The following JAM3 variants were observed in gnomAD, a reference collection of about 807,000 sequenced individuals.
JAM3 encodes junctional adhesion molecule C.
Under a neutral mutation model 39.4 loss-of-function variants are expected in JAM3, and 31 were observed. The observed-to-expected ratio is 0.79, with a 90% CI of 0.59 to 1.06. JAM3 has a LOEUF of 1.06. Among genes scored for constraint, JAM3 ranks in the 50% least tolerant of loss-of-function variants. JAM3 has a pLI of 0.00. For synonymous variants in JAM3, 182 were observed against 148.7 expected, an observed-to-expected ratio of 1.22 and a Z score of -1.63; for missense variants, 455 against 391.4, an observed-to-expected ratio of 1.16 and a Z score of -1.37.
chr11:134,077,219 G>A (rs533553314), intron 1 of JAM3, among the ~76,000 whole-genome samples: 28 of 152,244 alleles, frequency 1.8e-4, no homozygotes, highest in Middle Eastern at 3.4e-3. Context: ...CTGATGATGA[G>A]CGATGTTGAG....
intron 1 of JAM3, among the ~76,000 whole-genome samples, chr11:134,130,114 C>T (rs559790049): frequency 1.3e-5 from 2 of 152,270 alleles, no homozygotes; most frequent in East Asian, 1.9e-4. Flanking sequence ...TTACCTCTGT[C>T]CTGGATTAAG....
chr11:134,079,544 A>G (rs1486813064), intron 1 of JAM3, among the ~76,000 whole-genome samples: 1 of 151,994 alleles, frequency 6.6e-6, no homozygotes, highest in Non-Finnish European at 1.5e-5. Context: ...GAAAAAAAAA[A>G]GCACTGTATC....
intron 1 of JAM3, among the ~76,000 whole-genome samples, chr11:134,118,529 T>G (rs1304527815): frequency 6.6e-6 from 1 of 152,106 alleles, no homozygotes; most frequent in Non-Finnish European, 1.5e-5. Context: ...CAGGCTATTC[T>G]CACTTCCTCC....
At chr11:134,091,553 C>G (rs1318112582) in intron 1 of JAM3, among the ~76,000 whole-genome samples, 1 of 150,696 alleles carries the variant, frequency 6.6e-6, no homozygotes, top group Non-Finnish European at 1.5e-5. Context: ...CATGGTAAGC[C>G]CAGAAGTTAG....
rs1383724294 is a variant in JAM3 at position 134,087,261 on chromosome 11, A to C, written c.76+18102A>C. On this transcript the variant is annotated intron_variant, in intron 1 of 8. Transcript: ENST00000299106. ...TTTTGCATATTAGGAAAAAGTAGGG[A>C]AGAGTATGGAAGAAAAGGAAAACAC... Among the ~76,000 whole-genome samples, 4 of 152,200 alleles carry C rather than the reference A, an allele frequency of 2.6e-5. No homozygotes were observed. The East Asian group carries it at 7.7e-4, about 29-fold the overall frequency.
At chr11:134,135,072 C>G (rs1245838023) in intron 1 of JAM3, among the ~76,000 whole-genome samples, 1 of 152,070 alleles carries the variant, frequency 6.6e-6, no homozygotes, top group African/African-American at 2.4e-5. Context: ...CATTGCCTAA[C>G]CCAGTGTCAT....
intron 1 of JAM3, among the ~76,000 whole-genome samples, chr11:134,112,807 C>T (rs1942342633): frequency 6.6e-6 from 1 of 152,182 alleles, no homozygotes; most frequent in African/African-American, 2.4e-5. Context: ...AGATAGCTGC[C>T]TTCATGTCGT....
intron 1 of JAM3, among the ~76,000 whole-genome samples, chr11:134,135,411 T>G (rs1942845471): frequency 6.6e-6 from 1 of 152,240 alleles, no homozygotes; most frequent in African/African-American, 2.4e-5. Flanking sequence ...CCCACACTGT[T>G]TTGATCATCT....
intron 1 of JAM3, among the ~76,000 whole-genome samples, chr11:134,105,111 A>G (rs1219050921): frequency 6.6e-6 from 1 of 152,256 alleles, no homozygotes; most frequent in Non-Finnish European, 1.5e-5. Flanking sequence ...TCAATAAAAT[A>G]CTGGCAAACC....
chr11:134,151,177 T>A lies in JAM3; in HGVS notation c.*1996T>A, dbSNP rs577596179. On this transcript the variant is annotated 3_prime_UTR_variant, in exon 9 of 9. Transcript: ENST00000299106. ...TCAGCTTCCAGTGTCTTGGGTTTTT[T>A]ATACTTTGACAGCTTTTTTTTAATT... is the stretch of plus-strand genomic sequence containing the variant. 6.6e-6 allele frequency: 1 copy of A among 152,266 alleles called. No individual in the cohort carries two copies. The highest frequency in any genetic ancestry group is 6.5e-5 in the Admixed American group (1 of 15,288). The allele number at this position is 152,266 out of a possible 1,614,324, so 9.4% of individuals were successfully genotyped here. A position where few individuals can be genotyped will look rare whatever the true frequency, so the allele number is the denominator to read the frequency against.
At chr11:134,130,108 C>T (rs547874600) in intron 1 of JAM3, among the ~76,000 whole-genome samples, 2 of 152,234 alleles carry the variant, frequency 1.3e-5, no homozygotes, top group South Asian at 4.2e-4. Flanking sequence ...GAGTAGTTAC[C>T]TCTGTCCTGG....
chr11:134,078,188 C>T (rs1591768531), intron 1 of JAM3, among the ~76,000 whole-genome samples: 1 of 151,974 alleles, frequency 6.6e-6, no homozygotes, highest in Non-Finnish European at 1.5e-5. Flanking sequence ...GGCATGATCT[C>T]GGCCCACTGC....
At chr11:134,124,297 A>C in intron 1 of JAM3, 1 of 861,482 alleles carries the variant, frequency 1.2e-6, no homozygotes, top group Non-Finnish European at 2.0e-6. Flanking sequence ...ATGTTCTCAC[A>C]GGAAATCTCC....
chr11:134,124,219 A>T (rs1185368870), intron 1 of JAM3: 52 of 1,374,094 alleles, frequency 3.8e-5, no homozygotes, highest in Non-Finnish European at 5.3e-5. Flanking sequence ...ATCACTCCAT[A>T]CTTCTTAAGT....
At chr11:134,070,004 C>T (rs1311708537) in intron 1 of JAM3, among the ~76,000 whole-genome samples, 1 of 152,162 alleles carries the variant, frequency 6.6e-6, no homozygotes, top group Non-Finnish European at 1.5e-5. Flanking sequence ...TTTTCTTTCC[C>T]TCTGTTTGGA....
At chr11:134,126,833 C>G (rs1017344994) in intron 1 of JAM3, among the ~76,000 whole-genome samples, 2 of 152,232 alleles carry the variant, frequency 1.3e-5, no homozygotes, top group African/African-American at 4.8e-5. Context: ...CTAAATCCCA[C>G]TGATTATTAG....
intron 1 of JAM3, among the ~76,000 whole-genome samples, chr11:134,093,120 C>G (rs1283255663): frequency 7.7e-6 from 1 of 130,676 alleles, no homozygotes; most frequent in East Asian, 2.8e-4. Flanking sequence ...GGAAGCTTCT[C>G]CTGAGCCCTC....
At chr11:134,069,271 G>A in intron 1 of JAM3, 112 bp downstream of exon 1, 1 of 1,404,760 alleles carries the variant, frequency 7.1e-7, no homozygotes. Flanking sequence ...CTGGCTCCGA[G>A]GGCTCCCGGG....
intron 1 of JAM3, among the ~76,000 whole-genome samples, chr11:134,137,572 T>C: frequency 6.6e-6 from 1 of 152,350 alleles, no homozygotes; most frequent in African/African-American, 2.4e-5. Flanking sequence ...TCATAGTCCC[T>C]TAGAGCCAGT....
Sources: allele counts gnomAD v4.1 joint callset (sites outside exome capture counted in the v4.1 genomes callset), GRCh38; gene constraint gnomAD v4.1.1; transcripts MANE v1.5; gene names NCBI Gene and HGNC (gene_info 2026-07-23, HGNC 2026-07-21).